The following SSBP3 variants were observed in gnomAD, a reference collection of about 807,000 sequenced individuals.
SSBP3 encodes single stranded DNA binding protein 3.
In SSBP3, 5 loss-of-function variants were observed where a neutral mutation model predicts 69.6. The observed-to-expected ratio is 0.07, with a 90% CI of 0.04 to 0.15. The LOEUF (loss-of-function observed/expected upper bound fraction) is 0.15. SSBP3 is among the 10% of genes least tolerant of loss of function. The probability of loss-of-function intolerance (pLI) is 1.00; values close to 1 mark genes in which losing one functional copy is unlikely to be tolerated. For missense variants in SSBP3, 312 were observed against 534.0 expected (o/e 0.58, Z 4.10); for synonymous variants, 196 against 193.4 (o/e 1.01, Z -0.11).
intron 4 of SSBP3, among the ~76,000 whole-genome samples, chr1:54,351,857 A>G (rs889214171): frequency 6.6e-5 from 10 of 152,196 alleles, no homozygotes; most frequent in Non-Finnish European, 1.5e-4. Flanking sequence ...GGCCCAGCTC[A>G]GCACGCTGCC....
chr1:54,240,761 T>G (rs945576414), intron 13 of SSBP3, 144 bp downstream of exon 13: 1 of 1,066,138 alleles, frequency 9.4e-7, no homozygotes, highest in Admixed American at 1.9e-5. Context: ...CCCCCTGCCC[T>G]CTAAATGCCC....
intron 4 of SSBP3, among the ~76,000 whole-genome samples, chr1:54,325,590 ATC>A (rs1195551430): frequency 6.6e-6 from 1 of 152,214 alleles, no homozygotes; most frequent in Non-Finnish European, 1.5e-5. Flanking sequence ...AAAATTCTGT[ATC>A]AGATTACGAC....
At position 54,328,862 on chromosome 1, in the gene SSBP3, C is replaced by T. The variant is rs139319579; in HGVS notation, c.277-47335G>A. Among the ~76,000 whole-genome samples the T allele has an allele frequency of 3.2e-3, 481 of 152,312 alleles. 4 individuals are homozygous for T. The highest frequency in any genetic ancestry group is 0.011 in the African/African-American group (446 of 41,576). ...CTGGCCACAGGCACTGCATCAGGAA[C>T]GCACCAGGCCCTACTTCCTCCACAT... On this transcript the variant is annotated intron_variant, in intron 4 of 17. Coordinates refer to ENST00000610401, the Ensembl canonical transcript of SSBP3.
intron 14 of SSBP3, among the ~76,000 whole-genome samples, chr1:54,230,694 G>A (rs373698167): frequency 3.9e-5 from 6 of 152,122 alleles, no homozygotes; most frequent in East Asian, 1.9e-4. Context: ...CAACGCCCCC[G>A]GCCCCAGGCA....
intron 4 of SSBP3, among the ~76,000 whole-genome samples, chr1:54,353,223 A>AATTAG (rs1205888104): frequency 5.9e-5 from 9 of 152,200 alleles, no homozygotes; most frequent in African/African-American, 1.9e-4. Context: ...TGCATCTAAC[A>AATTAG]AGGCCCTGAC....
intron 4 of SSBP3, among the ~76,000 whole-genome samples, chr1:54,379,469 C>A (rs1023799876): frequency 2.0e-5 from 3 of 152,214 alleles, no homozygotes; most frequent in Non-Finnish European, 4.4e-5. Flanking sequence ...CAGGCTGAGA[C>A]AACAGAACCC....
chr1:54,265,524 A>G (rs1283714665), intron 5 of SSBP3, among the ~76,000 whole-genome samples: 1 of 152,118 alleles, frequency 6.6e-6, no homozygotes, highest in Non-Finnish European at 1.5e-5. Context: ...GGTCCCCGAG[A>G]GCTCACAGTC....
Position 54,322,472 on chromosome 1 carries a change from C to T in SSBP3, c.277-40945G>A, listed in dbSNP as rs12074286. ...TTCTTGGGCCAGGAGGCAATCCCCT[C>T]CGGGATCTAGGATATAGCTCATTCT... On this transcript the variant is annotated intron_variant, in intron 4 of 17. Coordinates refer to ENST00000610401, the Ensembl canonical transcript of SSBP3. 2.0e-3 allele frequency among the ~76,000 whole-genome samples: 310 copies of T among 152,164 alleles called. 2 individuals carry two copies. The highest frequency in any genetic ancestry group is 6.9e-3 in the African/African-American group (287 of 41,506).
At chr1:54,316,660 T>TA (rs1329947274) in intron 4 of SSBP3, among the ~76,000 whole-genome samples, 1,241 of 27,570 alleles carry the variant, frequency 0.045, 204 homozygotes, top group African/African-American at 0.18. Flanking sequence ...AAAAAAAAAA[T>TA]AAAATAAATA....
chr1:54,240,153 T>G, intron 13 of SSBP3, among the ~76,000 whole-genome samples: 2 of 150,040 alleles, frequency 1.3e-5, no homozygotes. Flanking sequence ...ACGCATGCCC[T>G]CTTTTGTTTA....
At chr1:54,343,856 A>C (rs1320877181) in intron 4 of SSBP3, among the ~76,000 whole-genome samples, 1 of 152,226 alleles carries the variant, frequency 6.6e-6, no homozygotes, top group Admixed American at 6.5e-5. Flanking sequence ...AATCACAAAA[A>C]GCTTTGGACC....
chr1:54,259,089 A>G (rs582220), intron 5 of SSBP3, among the ~76,000 whole-genome samples: 91,481 of 151,516 alleles, frequency 0.6, 28,396 homozygotes, highest in South Asian at 0.74. Context: ...TGGGTGGGCT[A>G]TCCTTTTCAT....
intron 4 of SSBP3, among the ~76,000 whole-genome samples, chr1:54,305,437 T>C (rs1033705868): frequency 5.3e-5 from 8 of 151,750 alleles, no homozygotes; most frequent in Non-Finnish European, 8.8e-5. Flanking sequence ...ATGGCTGGAG[T>C]TGGAGTTTAG....
chr1:54,399,028 C>T (rs909763374), intron 4 of SSBP3, among the ~76,000 whole-genome samples: 44 of 152,298 alleles, frequency 2.9e-4, no homozygotes, highest in African/African-American at 1.1e-3. Flanking sequence ...TTCGAGAGCA[C>T]CCGCAACAAT....
chr1:54,332,419 G>C (rs1646434158), intron 4 of SSBP3, among the ~76,000 whole-genome samples: 1 of 152,168 alleles, frequency 6.6e-6, no homozygotes, highest in Non-Finnish European at 1.5e-5. Context: ...CAGGAGACCT[G>C]AGTCTAGTCC....
intron 7 of SSBP3, among the ~76,000 whole-genome samples, chr1:54,252,701 T>C (rs950359461): frequency 2.6e-5 from 4 of 152,208 alleles, no homozygotes; most frequent in Non-Finnish European, 5.9e-5. Context: ...TGAAACCCTA[T>C]GAAAAGCAAT....
intron 4 of SSBP3, among the ~76,000 whole-genome samples, chr1:54,282,071 T>TAATAATAATAATAATAATAAA (rs984653416): frequency 3.3e-5 from 5 of 150,604 alleles, no homozygotes; most frequent in Admixed American, 1.3e-4. Flanking sequence ...ATAATAATAA[T>TAATAATAATAATAATAATAAA]AAAAAAATGG....
rs2100653488 is a variant in SSBP3 at position 54,242,217 on chromosome 1, G to C, written c.717-5C>G. The C allele has an allele frequency of 2.5e-6, 4 of 1,613,882 alleles. No individual in the cohort carries two copies. The highest frequency in any genetic ancestry group is 2.5e-6 in the Non-Finnish European group (3 of 1,179,978). ...GGTCTGCCAGCTCCCGGGCCCCTGA[G>C]AGAGGGAGAAAGAGATGTGGACAAT... On this transcript the variant is annotated splice_polypyrimidine_tract_variant and splice_region_variant and intron_variant, in intron 10 of 17. Transcript: ENST00000610401.
intron 4 of SSBP3, among the ~76,000 whole-genome samples, chr1:54,348,827 C>A (rs1056528964): frequency 6.6e-6 from 1 of 152,220 alleles, no homozygotes; most frequent in African/African-American, 2.4e-5. Flanking sequence ...CACAGGGCTG[C>A]GGAAGTGAGT....
Sources: gnomAD v4.1 joint callset for allele counts (sites outside exome capture counted in the v4.1 genomes callset) on GRCh38, gnomAD v4.1.1 for gene constraint, MANE v1.5 for transcripts, NCBI Gene and HGNC (gene_info 2026-07-23, HGNC 2026-07-21) for gene names.